SRC: variants seen among roughly 807,000 people sequenced by gnomAD.
SRC encodes SRC proto-oncogene, non-receptor tyrosine kinase.
In SRC, 13 loss-of-function variants were observed where a neutral mutation model predicts 62.9. The ratio of observed to expected loss-of-function variants is 0.21; its 90% CI spans 0.13 to 0.33. SRC has a LOEUF of 0.33. Among genes scored for constraint, SRC ranks in the 10% least tolerant of loss-of-function variants. SRC has a pLI of 1.00. For synonymous variants in SRC, 302 were observed against 317.5 expected (o/e 0.95, Z 0.52); for missense variants, 457 against 737.3 (o/e 0.62, Z 4.40).
At chr20:37,399,407 A>G (rs1455239450) in intron 9 of SRC, among the ~76,000 whole-genome samples, 7 of 152,148 alleles carry the variant, frequency 4.6e-5, no homozygotes, top group African/African-American at 1.7e-4. Context: ...CCTGGCTTCC[A>G]CCAGTACACA....
At position 37,400,097 on chromosome 20, in the gene SRC, T is replaced by C; in HGVS notation, c.860-18T>C. On this transcript the variant is annotated intron_variant, in intron 9 of 13. Transcript: ENST00000373578. ...GTTGGGGGGCTCCACTGAGTCAGCC[T>C]GCATCCCTCCTCAACAGGGACCTGG... 6.3e-7 allele frequency: 1 copy of C among 1,582,166 alleles called. No individual in the cohort carries two copies. The highest frequency in any genetic ancestry group is 1.1e-5 in the South Asian group (1 of 87,622).
rs4809611 is a variant in SRC, at chr20:37,384,620, A to G, written c.250+217A>G. ...CTGGCTTTGGGGTGGAGCAAGCGCA[A>G]AAGACACGGGGTGTGGTTAATGGGT... On this transcript the variant is annotated intron_variant, in intron 4 of 13. Coordinates refer to ENST00000373578, the MANE Select transcript of SRC (RefSeq NM_198291.3). The surrounding 1 kb of genome is among the most constrained non-coding windows in gnomAD (Gnocchi z 6.7). Among the ~76,000 whole-genome samples the G allele has an allele frequency of 1, 151,707 of 151,738 alleles. 75,838 individuals are homozygous for G. The highest frequency in any genetic ancestry group is 1 in the Middle Eastern group (288 of 288).
chr20:37,386,493 G>A (rs780978080), intron 5 of SRC: 76 of 714,002 alleles, frequency 1.1e-4, no homozygotes, highest in Non-Finnish European at 1.5e-4. Context: ...TACATGCTCC[G>A]TGGGCGGCGG....
chr20:37,383,222 C>T (rs995972176), intron 3 of SRC, among the ~76,000 whole-genome samples: 1 of 152,162 alleles, frequency 6.6e-6, no homozygotes, highest in Non-Finnish European at 1.5e-5. Context: ...GGAACACTTC[C>T]CAAGGAGGGG....
intron 2 of SRC, among the ~76,000 whole-genome samples, chr20:37,376,884 C>T (rs2070286636): frequency 6.6e-6 from 1 of 152,212 alleles, no homozygotes; most frequent in Admixed American, 6.5e-5. Flanking sequence ...CATAGGTTGC[C>T]CTCTGACCCC....
intron 1 of SRC, 66 bp downstream of exon 1, chr20:37,346,321 A>T (rs1206062900): frequency 1.4e-5 from 2 of 142,286 alleles, no homozygotes; most frequent in Non-Finnish European, 3.1e-5. Context: ...CCCGCCCCGG[A>T]CCACCCTGGC....
chr20:37,345,342 T>C (rs1433951962), upstream of SRC, among the ~76,000 whole-genome samples: 1 of 151,956 alleles, frequency 6.6e-6, no homozygotes, highest in East Asian at 1.9e-4. Flanking sequence ...AATGTCCCGT[T>C]TTTCTGCTAC....
intron 2 of SRC, among the ~76,000 whole-genome samples, chr20:37,375,301 G>A (rs938027255): frequency 1.3e-5 from 2 of 151,234 alleles, no homozygotes; most frequent in African/African-American, 2.4e-5. Context: ...CTGTGATAAT[G>A]GCTCACTGCA....
At chr20:37,360,471 A>G (rs996492808) in intron 1 of SRC, among the ~76,000 whole-genome samples, 9 of 152,104 alleles carry the variant, frequency 5.9e-5, no homozygotes, top group Non-Finnish European at 4.4e-5. Flanking sequence ...TCCTGACTCA[A>G]GTGATCCTCC....
At chr20:37,361,376 G>A (rs751364756) in intron 1 of SRC, among the ~76,000 whole-genome samples, 1 of 152,186 alleles carries the variant, frequency 6.6e-6, no homozygotes, top group Non-Finnish European at 1.5e-5. Context: ...GATGAGTAAA[G>A]GCAGGCTGAC....
At chr20:37,346,747 GC>G (rs1211177702) in intron 1 of SRC, among the ~76,000 whole-genome samples, 1 of 152,178 alleles carries the variant, frequency 6.6e-6, no homozygotes, top group Non-Finnish European at 1.5e-5. Flanking sequence ...GGACCTCCCT[GC>G]CCTCGTGGGG....
intron 5 of SRC, among the ~76,000 whole-genome samples, chr20:37,390,896 T>G (rs1398701016): frequency 6.6e-6 from 1 of 152,210 alleles, no homozygotes; most frequent in Non-Finnish European, 1.5e-5. Flanking sequence ...AGGCTGAGAC[T>G]GGATCTTGGG....
intron 2 of SRC, among the ~76,000 whole-genome samples, chr20:37,375,276 G>C (rs566361213): frequency 6.6e-6 from 1 of 151,134 alleles, no homozygotes; most frequent in Admixed American, 6.6e-5. Context: ...CTGTTGCTCA[G>C]GCTGGAGTGC....
chr20:37,361,227 C>T (rs905662813), intron 1 of SRC, among the ~76,000 whole-genome samples: 4 of 152,136 alleles, frequency 2.6e-5, no homozygotes, highest in Admixed American at 6.6e-5. Flanking sequence ...CGGCAGGCCC[C>T]CTCCATCCAA....
intron 1 of SRC, among the ~76,000 whole-genome samples, chr20:37,346,980 C>T (rs893269514): frequency 1.3e-5 from 2 of 152,252 alleles, no homozygotes; most frequent in Non-Finnish European, 2.9e-5. Context: ...GCCACTTGCC[C>T]TGCTGTGTGT....
chr20:37,356,207 G>A (rs1432546328), intron 1 of SRC, among the ~76,000 whole-genome samples: 3 of 152,164 alleles, frequency 2.0e-5, no homozygotes, highest in African/African-American at 7.2e-5. Flanking sequence ...CCTCTGAGGG[G>A]AGATAGAGCT....
chr20:37,384,279 C>T lies in SRC; in HGVS notation c.126C>T (p.Ala42=). Residue 42 remains alanine (A), a synonymous_variant, in exon 4 of 14, where the codon GCC becomes GCT. Transcript: ENST00000373578. The surrounding 1 kb of genome is among the most constrained non-coding windows in gnomAD (Gnocchi z 6.7). ...CCTCGCAGACCCCCAGCAAGCCAGC[C>T]TCGGCCGACGGCCACCGCGGCCCCA... The part of the protein sequence containing the change: ...FPASQTPSKP[A]SADGHRGPSA... 1.3e-6 allele frequency: 2 copies of T among 1,525,496 alleles called. No individual in the cohort carries two copies. The highest frequency in any genetic ancestry group is 1.7e-6 in the Non-Finnish European group (2 of 1,146,328). 94.5% of individuals were successfully genotyped at this position (1,525,496 alleles called of 1,614,324 possible).
In SRC at chr20:37,403,391, C is replaced by T; in HGVS notation, c.*12C>T. On this transcript the variant is annotated 3_prime_UTR_variant, in exon 14 of 14. Transcript: ENST00000373578. This position sits in a 1 kb window ranked among gnomAD's most constrained non-coding sequence, Gnocchi z 7.1. ...GGGAGAACCTCTAGGCACAGGCGGG[C>T]CCAGACCGGCTTCTCGGCTTGGATC... 6.4e-7 allele frequency: 1 copy of T among 1,567,888 alleles called. No individual in the cohort carries two copies. The highest frequency in any genetic ancestry group is 1.2e-5 in the South Asian group (1 of 86,348).
intron 2 of SRC, among the ~76,000 whole-genome samples, chr20:37,366,290 A>T (rs866440339): frequency 6.6e-6 from 1 of 152,302 alleles, no homozygotes; most frequent in South Asian, 2.1e-4. Flanking sequence ...TAAATTGCAT[A>T]AGTGCAATTT....
Sources: gnomAD v4.1 joint callset for allele counts (sites outside exome capture counted in the v4.1 genomes callset) on GRCh38, gnomAD v4.1.1 for gene constraint, Gnocchi (gnomAD v3.1) non-coding constraint, MANE v1.5 for transcripts, NCBI Gene and HGNC (gene_info 2026-07-23, HGNC 2026-07-21) for gene names.